Variants in METTL9 observed in about 807,000 individuals in gnomAD.
METTL9 encodes the protein methyltransferase 9, His-X-His N1(pi)-histidine, also known as protein-L-histidine N-pros-methyltransferase.
A neutral mutation model predicts 36.0 loss-of-function variants in METTL9; 10 were observed. The observed-to-expected ratio is 0.28, with a 90% CI of 0.17 to 0.47. The LOEUF is 0.47. METTL9 is among the 20% of genes least tolerant of loss of function. METTL9 has a pLI of 0.99. For missense variants in METTL9, 246 were observed against 383.5 expected (o/e 0.64, Z 3.00); for synonymous variants, 175 against 149.7 (o/e 1.17, Z -1.23).
intron 4 of METTL9, among the ~76,000 whole-genome samples, chr16:21,629,373 C>T (rs1169194420): frequency 6.6e-6 from 1 of 152,250 alleles, no homozygotes; most frequent in Admixed American, 6.5e-5. Context: ...CTTCTCTCTA[C>T]CTTCTGCCAT....
At chr16:21,597,439 G>A, upstream of METTL9, 1 of 489,396 alleles carries the variant, frequency 2.0e-6, no homozygotes, top group Non-Finnish European at 3.4e-6. Context: ...TTAAATGTAT[G>A]AGTGATTTAT....
At chr16:21,598,525 T>G (rs1014063712), upstream of METTL9, among the ~76,000 whole-genome samples, 2 of 152,140 alleles carry the variant, frequency 1.3e-5, no homozygotes, top group African/African-American at 4.8e-5. Context: ...TCTGGTGCAG[T>G]TAAATTAAAA....
chr16:21,653,937 A>G (rs1485705556), intron 4 of METTL9: 2 of 151,764 alleles, frequency 1.3e-5, no homozygotes, highest in Non-Finnish European at 2.9e-5. Flanking sequence ...ACCACTGAAA[A>G]TTATGAAAAA....
intron 2 of METTL9, among the ~76,000 whole-genome samples, chr16:21,613,168 CTTTTTTTTTTTTTTTTTT>C (rs57388340): frequency 7.1e-4 from 65 of 91,424 alleles, no homozygotes; most frequent in East Asian, 2.8e-3. Flanking sequence ...TGAGAGTCTG[CTTTTTTTTTTTTTTTTTT>C]TTTTTTTTTT....
intron 2 of METTL9, 23 bp downstream of exon 2, chr16:21,612,858 T>C (rs779763406): frequency 1.3e-5 from 20 of 1,545,098 alleles, no homozygotes; most frequent in Non-Finnish European, 1.3e-5. Flanking sequence ...TGGACATTTA[T>C]TTTTTTCTTT....
intron 1 of METTL9, among the ~76,000 whole-genome samples, chr16:21,603,476 G>A (rs1272637329): frequency 1.3e-5 from 2 of 152,154 alleles, no homozygotes; most frequent in African/African-American, 2.4e-5. Flanking sequence ...TGCAGGGTGG[G>A]TAGATTGACT....
chr16:21,605,975 G>A (rs1965275791), intron 1 of METTL9, among the ~76,000 whole-genome samples: 1 of 152,064 alleles, frequency 6.6e-6, no homozygotes, highest in African/African-American at 2.4e-5. Context: ...AAATTTGGGA[G>A]TTCCCACAAC....
At chr16:21,620,560 G>A (rs1291274840) in intron 3 of METTL9, among the ~76,000 whole-genome samples, 1 of 152,038 alleles carries the variant, frequency 6.6e-6, no homozygotes, top group African/African-American at 2.4e-5. Flanking sequence ...GAATTTTCAG[G>A]GAAACTTCAG....
At chr16:21,632,143 A>G (rs933648991) in intron 4 of METTL9, among the ~76,000 whole-genome samples, 2 of 152,112 alleles carry the variant, frequency 1.3e-5, no homozygotes, top group East Asian at 3.9e-4. Context: ...TTTGCACTGC[A>G]TGCAAAAACT....
chr16:21,629,971 C>T (rs769782165), intron 4 of METTL9, among the ~76,000 whole-genome samples: 2 of 152,178 alleles, frequency 1.3e-5, no homozygotes, highest in Non-Finnish European at 2.9e-5. Context: ...AGTCCCCTAC[C>T]TGATTAGCTA....
At chr16:21,636,566 TGA>T (rs1966098303) in intron 4 of METTL9, among the ~76,000 whole-genome samples, 1 of 152,188 alleles carries the variant, frequency 6.6e-6, no homozygotes, top group African/African-American at 2.4e-5. Flanking sequence ...TGGGCGACAT[TGA>T]GAGTTCTGCT....
At chr16:21,611,803 T>TAC (rs1965432729) in intron 1 of METTL9, among the ~76,000 whole-genome samples, 1 of 152,216 alleles carries the variant, frequency 6.6e-6, no homozygotes, top group Non-Finnish European at 1.5e-5. Context: ...AAAGCTGATG[T>TAC]ACAGTCTGCT....
chr16:21,598,537 C>A (rs1965006850), upstream of METTL9, among the ~76,000 whole-genome samples: 1 of 152,124 alleles, frequency 6.6e-6, no homozygotes, highest in Non-Finnish European at 1.5e-5. Flanking sequence ...AAATTAAAAG[C>A]ACTTTCCAAA....
chr16:21,653,255 T>A (rs1255433733), intron 4 of METTL9: 4 of 139,434 alleles, frequency 2.9e-5, no homozygotes, highest in African/African-American at 1.1e-4. Flanking sequence ...CCCTGGCTAA[T>A]TTTTTTTTTT....
At position 21,644,329 on chromosome 16, in the gene METTL9, A is replaced by G. The variant is rs373647160; in HGVS notation, c.752-10898A>G. The G allele has an allele frequency of 2.5e-6, 4 of 1,613,956 alleles. No individual in the cohort carries two copies. In the South Asian group the frequency reaches 3.3e-5, roughly 13 times the overall value. On this transcript the variant is annotated intron_variant, in intron 4 of 4. Transcript: ENST00000358154. ...TGAAGGCCACGCACACACCGGTCAC[A>G]TAGACAGAGAGCAGTGATACAAGAG... is the stretch of plus-strand genomic sequence containing the variant.
intron 1 of METTL9, among the ~76,000 whole-genome samples, chr16:21,605,497 A>C (rs924683458): frequency 6.6e-6 from 1 of 151,594 alleles, no homozygotes; most frequent in African/African-American, 2.4e-5. Context: ...CTCCTGCCTC[A>C]GTCTCCCAAA....
chr16:21,626,134 T>C (rs1205572750), intron 4 of METTL9, among the ~76,000 whole-genome samples: 1 of 152,080 alleles, frequency 6.6e-6, no homozygotes. Flanking sequence ...TAACTCCTGA[T>C]CTCAGGTGAT....
intron 2 of METTL9, among the ~76,000 whole-genome samples, chr16:21,617,293 C>A (rs1399355628): frequency 6.6e-6 from 1 of 151,782 alleles, no homozygotes; most frequent in African/African-American, 2.4e-5. Flanking sequence ...TGGCGGGCGC[C>A]TGTAGTCCCA....
chr16:21,603,863 G>A (rs1965204971), intron 1 of METTL9, among the ~76,000 whole-genome samples: 1 of 152,168 alleles, frequency 6.6e-6, no homozygotes, highest in Admixed American at 6.5e-5. Context: ...GCAAGTATGT[G>A]TATATTTTTG....
Sources: allele counts gnomAD v4.1 joint callset (sites outside exome capture counted in the v4.1 genomes callset), GRCh38; gene constraint gnomAD v4.1.1; transcripts MANE v1.5; gene names NCBI Gene and HGNC (gene_info 2026-07-23, HGNC 2026-07-21).